The following DYNC2H1 variants were observed in gnomAD, a reference collection of about 807,000 sequenced individuals.
DYNC2H1 encodes cytoplasmic dynein 2 heavy chain 1.
In DYNC2H1, 410 loss-of-function variants were observed where a neutral mutation model predicts 570.0. The observed-to-expected ratio is 0.72, with a 90% CI of 0.66 to 0.78. The LOEUF is 0.78. Among genes scored for constraint, DYNC2H1 ranks in the 30% least tolerant of loss-of-function variants. DYNC2H1 has a pLI of 0.00. For missense variants in DYNC2H1, 4,865 were observed against 5,046.4 expected (o/e 0.96, Z 1.09); for synonymous variants, 1,688 against 1,677.6 (o/e 1.01, Z -0.15).
Position 103,459,779 on chromosome 11 carries a change from C to T in DYNC2H1, c.12648+3423C>T, listed in dbSNP as rs538306589. On this transcript the variant is annotated intron_variant, in intron 87 of 88. Transcript: ENST00000375735. ...CATCCTGGCTAACAAGGTGAAACCCCGTCTCTACTAAAAATACAAAAAATT... is the reference window on the plus strand; with the variant it reads ...CATCCTGGCTAACAAGGTGAAACCCTGTCTCTACTAAAAATACAAAAAATT... 9.5e-4 allele frequency among the ~76,000 whole-genome samples: 143 copies of T among 150,478 alleles called. 4 individuals carry two copies. The South Asian group carries it at 0.03, about 31-fold the overall frequency.
intron 75 of DYNC2H1, among the ~76,000 whole-genome samples, chr11:103,290,406 A>G (rs1053618613): frequency 6.6e-6 from 1 of 152,070 alleles, no homozygotes; most frequent in Non-Finnish European, 1.5e-5. Context: ...CTATTTATTC[A>G]CCTCTGATAG....
chr11:103,410,825 A>C (rs1471014315), intron 84 of DYNC2H1, among the ~76,000 whole-genome samples: 1 of 151,952 alleles, frequency 6.6e-6, no homozygotes, highest in Non-Finnish European at 1.5e-5. Context: ...GTATGGCCAC[A>C]GTGGCTGGCA....
intron 70 of DYNC2H1, among the ~76,000 whole-genome samples, chr11:103,269,754 C>G (rs2135302880): frequency 6.6e-6 from 1 of 152,070 alleles, no homozygotes; most frequent in South Asian, 2.1e-4. Context: ...ATATTTTGTT[C>G]CCTAAAACTT....
At chr11:103,200,658 A>G (rs1306506872) in intron 50 of DYNC2H1, among the ~76,000 whole-genome samples, 1 of 152,210 alleles carries the variant, frequency 6.6e-6, no homozygotes, top group Admixed American at 6.5e-5. Context: ...GGATATATGA[A>G]TATACATATA....
At chr11:103,128,108 G>A (rs922318356) in intron 12 of DYNC2H1, among the ~76,000 whole-genome samples, 1 of 152,202 alleles carries the variant, frequency 6.6e-6, no homozygotes, top group African/African-American at 2.4e-5. Context: ...AGCCTCACTT[G>A]TTAGGTGAGA....
chr11:103,259,850 TATAA>T, intron 69 of DYNC2H1, 34 bp from the exon 70 acceptor site: 3 of 1,366,242 alleles, frequency 2.2e-6, no homozygotes, highest in Non-Finnish European at 3.0e-6. Flanking sequence ...TTTAAATGTT[TATAA>T]ATTTCCTAAT....
chr11:103,229,749 G>A (rs909043191), intron 59 of DYNC2H1, among the ~76,000 whole-genome samples: 2 of 151,830 alleles, frequency 1.3e-5, no homozygotes, highest in African/African-American at 2.4e-5. Context: ...AGTTCTTCAG[G>A]TTTCTAGAAC....
chr11:103,238,876 G>A (rs1359518621), intron 63 of DYNC2H1, among the ~76,000 whole-genome samples: 1 of 152,074 alleles, frequency 6.6e-6, no homozygotes, highest in Admixed American at 6.6e-5. Context: ...GGAAAAATTT[G>A]GCCATAGTGA....
In DYNC2H1 at chr11:103,259,803, A is replaced by G; in HGVS notation, c.10606-85A>G. On this transcript the variant is annotated intron_variant, in intron 69 of 88. Transcript: ENST00000375735. ...GGTTAAAGATACTTGTTTCAGAATC[A>G]GCTTTGAATCTGGAGGAACAATTTA... 3 of 862,720 alleles carry G rather than the reference A, an allele frequency of 3.5e-6. No individual in the cohort carries two copies. The East Asian group carries it at 9.0e-5, about 26-fold the overall frequency. 53.4% of individuals were successfully genotyped at this position (862,720 alleles called of 1,614,324 possible). A position where few individuals can be genotyped will look rare whatever the true frequency, so the allele number is the denominator to read the frequency against.
At chr11:103,459,988 A>C (rs1211692320) in intron 87 of DYNC2H1, among the ~76,000 whole-genome samples, 1 of 147,552 alleles carries the variant, frequency 6.8e-6, no homozygotes. Context: ...AAAAAAGCTG[A>C]AGGACTTAGA....
At chr11:103,366,906 G>A (rs1432070148) in intron 83 of DYNC2H1, among the ~76,000 whole-genome samples, 1 of 152,092 alleles carries the variant, frequency 6.6e-6, no homozygotes, top group African/African-American at 2.4e-5. Context: ...CAATTTAGAA[G>A]AGTGGCATAA....
rs927494570 is a variant in DYNC2H1, at chr11:103,239,811, G to A, written c.9819+3272G>A. 3.3e-5 allele frequency among the ~76,000 whole-genome samples: 5 copies of A among 151,868 alleles called. No homozygotes were observed. Among genetic ancestry groups the A allele is most frequent in the African/African-American group, 9.7e-5 (4 of 41,332 alleles). ...ATTGAAAATAGACATAACATTATAG[G>A]GTGTACTAGGTGTTTTAAAAATTAT... On this transcript the variant is annotated intron_variant, in intron 63 of 88. Transcript: ENST00000375735. This position sits in a 1 kb window ranked among gnomAD's most constrained non-coding sequence, Gnocchi z 4.3.
At chr11:103,332,887 C>T (rs931110727) in intron 82 of DYNC2H1, among the ~76,000 whole-genome samples, 1 of 151,940 alleles carries the variant, frequency 6.6e-6, no homozygotes, top group African/African-American at 2.4e-5. Context: ...CCTGTAATCG[C>T]AGCTGCTCAG....
At chr11:103,405,804 G>C (rs1415209432) in intron 84 of DYNC2H1, 1 of 151,804 alleles carries the variant, frequency 6.6e-6, no homozygotes. Flanking sequence ...TGTCTTTGTG[G>C]GTAGTTGAAA....
intron 54 of DYNC2H1, among the ~76,000 whole-genome samples, chr11:103,214,548 G>A (rs1297398846): frequency 2.0e-5 from 3 of 150,232 alleles, no homozygotes; most frequent in African/African-American, 4.9e-5. Flanking sequence ...GGGTTCAAGA[G>A]ATTCTTATGC....
At chr11:103,358,386 CT>C in intron 83 of DYNC2H1, 27 bp downstream of exon 83, 1 of 1,457,412 alleles carries the variant, frequency 6.9e-7, no homozygotes, top group Non-Finnish European at 9.4e-7. Flanking sequence ...TCTTCTGATT[CT>C]TTTGCTTTTT....
At chr11:103,171,930 C>T (rs975374883) in intron 34 of DYNC2H1, among the ~76,000 whole-genome samples, 4 of 152,144 alleles carry the variant, frequency 2.6e-5, no homozygotes, top group Non-Finnish European at 4.4e-5. Context: ...TTCCTCACTT[C>T]TCCAAATAGG....
Position 103,174,452 on chromosome 11 carries a change from T to G in DYNC2H1, c.5674+282T>G, listed in dbSNP as rs1343865578. On this transcript the variant is annotated intron_variant, in intron 36 of 88. Transcript: ENST00000375735. ...ATAACTTTTAATGTGTGTTAAATATTAAATAGTTGTAATATGTAAAGTCCA... is the reference window on the plus strand; with the variant it reads ...ATAACTTTTAATGTGTGTTAAATATGAAATAGTTGTAATATGTAAAGTCCA... 2.0e-5 allele frequency among the ~76,000 whole-genome samples: 3 copies of G among 152,286 alleles called. 1 individual carries two copies. The East Asian group carries it at 5.8e-4, about 29-fold the overall frequency.
At chr11:103,202,085 A>T (rs1249190288) in intron 50 of DYNC2H1, among the ~76,000 whole-genome samples, 1 of 152,196 alleles carries the variant, frequency 6.6e-6, no homozygotes, top group Non-Finnish European at 1.5e-5. Context: ...CCCAGATGAG[A>T]AATACAGACC....
Sources: gnomAD v4.1 joint callset for allele counts (sites outside exome capture counted in the v4.1 genomes callset) on GRCh38, gnomAD v4.1.1 for gene constraint, Gnocchi (gnomAD v3.1) non-coding constraint, MANE v1.5 for transcripts, NCBI Gene and HGNC (gene_info 2026-07-23, HGNC 2026-07-21) for gene names.